Variants in GRIK3 observed in about 807,000 individuals in gnomAD.
The protein encoded by GRIK3 is glutamate receptor ionotropic, kainate 3.
GRIK3 carries 29 observed loss-of-function variants against 102.5 expected under a neutral mutation model. That is an observed-to-expected ratio of 0.28 (90% CI 0.21 to 0.39). The LOEUF is 0.39. Among genes scored for constraint, GRIK3 ranks in the 10% least tolerant of loss-of-function variants. The pLI, the probability that GRIK3 is intolerant of heterozygous loss-of-function variation, is 1.00. For missense variants in GRIK3, 908 were observed against 1,252.4 expected, an observed-to-expected ratio of 0.73 and a Z score of 4.15; for synonymous variants, 511 against 504.9, an observed-to-expected ratio of 1.01 and a Z score of -0.16.
At chr1:36,930,493 G>C (rs1641575543) in intron 1 of GRIK3, among the ~76,000 whole-genome samples, 1 of 152,178 alleles carries the variant, frequency 6.6e-6, no homozygotes, top group African/African-American at 2.4e-5. Flanking sequence ...AGAAAATGGA[G>C]GCCAATACAG....
At chr1:36,876,597 G>A (rs1435016252) in intron 3 of GRIK3, among the ~76,000 whole-genome samples, 1 of 152,132 alleles carries the variant, frequency 6.6e-6, no homozygotes, top group Non-Finnish European at 1.5e-5. Context: ...TGTGAGTTGG[G>A]CTGTCTGTTA....
At chr1:36,902,504 G>A (rs1641242466) in intron 1 of GRIK3, among the ~76,000 whole-genome samples, 1 of 152,092 alleles carries the variant, frequency 6.6e-6, no homozygotes, top group Non-Finnish European at 1.5e-5. Flanking sequence ...TCAACAAAAG[G>A]GCTAGAACAA....
chr1:36,902,473 G>A (rs1180502724), intron 1 of GRIK3, among the ~76,000 whole-genome samples: 5 of 152,090 alleles, frequency 3.3e-5, no homozygotes, highest in Admixed American at 1.3e-4. Context: ...AAGGCAATAC[G>A]GTGGAGAAAA....
chr1:36,891,679 T>C (rs1436925746), intron 1 of GRIK3, among the ~76,000 whole-genome samples: 2 of 152,116 alleles, frequency 1.3e-5, no homozygotes, highest in Non-Finnish European at 2.9e-5. Flanking sequence ...GCATTCTCAT[T>C]AAAGAAAAAT....
intron 2 of GRIK3, among the ~76,000 whole-genome samples, chr1:36,890,716 C>G (rs534714831): frequency 1.3e-5 from 2 of 152,186 alleles, no homozygotes; most frequent in Non-Finnish European, 2.9e-5. Flanking sequence ...AATTGAGGCA[C>G]AGGGTATTTT....
chr1:37,032,187 C>A (rs1380560173), intron 1 of GRIK3, among the ~76,000 whole-genome samples: 1 of 152,180 alleles, frequency 6.6e-6, no homozygotes, highest in African/African-American at 2.4e-5. Context: ...CTAACCCATT[C>A]AATTTCACAG....
chr1:36,853,541 G>A, intron 8 of GRIK3, 74 bp downstream of exon 8: 1 of 982,404 alleles, frequency 1.0e-6, no homozygotes, highest in Non-Finnish European at 1.6e-6. Flanking sequence ...CTGGGCCTCT[G>A]ACTGAGGTCT....
intron 1 of GRIK3, among the ~76,000 whole-genome samples, chr1:36,913,744 C>A (rs1044790234): frequency 2.0e-5 from 3 of 152,070 alleles, no homozygotes; most frequent in South Asian, 2.1e-4. Context: ...CTGGGAGGAG[C>A]TCTCCCAGGC....
intron 6 of GRIK3, 62 bp from the exon 7 acceptor site, chr1:36,859,313 C>T (rs2124238752): frequency 2.6e-6 from 4 of 1,519,508 alleles, no homozygotes; most frequent in South Asian, 1.2e-5. Context: ...GCCCACCCTG[C>T]CCTGTCCCCC....
chr1:37,021,143 AG>A (rs1642709131), intron 1 of GRIK3, among the ~76,000 whole-genome samples: 6 of 151,578 alleles, frequency 4.0e-5, no homozygotes, highest in African/African-American at 1.5e-4. Context: ...AGAGAGAGAG[AG>A]AGAGAGAGAA....
chr1:36,930,238 G>A (rs770736437), intron 1 of GRIK3, among the ~76,000 whole-genome samples: 1 of 152,170 alleles, frequency 6.6e-6, no homozygotes, highest in Non-Finnish European at 1.5e-5. Flanking sequence ...TTTGAGATTG[G>A]CCTTCTGGTT....
In GRIK3 at chr1:36,872,507, G is replaced by C; in HGVS notation, c.551-138C>G. The C allele has an allele frequency of 6.2e-6, 4 of 641,404 alleles. No individual in the cohort carries two copies. The South Asian group carries it at 8.6e-5, about 14-fold the overall frequency. The allele number at this position is 641,404 out of a possible 1,614,324, so 39.7% of individuals were successfully genotyped here. A position where few individuals can be genotyped will look rare whatever the true frequency, so the allele number is the denominator to read the frequency against. On this transcript the variant is annotated intron_variant, in intron 3 of 15. Transcript: ENST00000373091. The surrounding 1 kb of genome is among the most constrained non-coding windows in gnomAD (Gnocchi z 5.9). ...TACACGGGCAGAAACGTGGCCCACAGAGACTTGTGCACGTGCATGGACAAC... is the reference window on the plus strand; with the variant it reads ...TACACGGGCAGAAACGTGGCCCACACAGACTTGTGCACGTGCATGGACAAC...
intron 1 of GRIK3, among the ~76,000 whole-genome samples, chr1:36,992,468 A>G (rs1322291339): frequency 6.6e-6 from 1 of 152,212 alleles, no homozygotes; most frequent in Non-Finnish European, 1.5e-5. Flanking sequence ...TGGTGGTTGA[A>G]TGACAGAGGC....
chr1:36,827,115 T>C (rs1212677569), intron 10 of GRIK3, among the ~76,000 whole-genome samples: 1 of 152,220 alleles, frequency 6.6e-6, no homozygotes, highest in Non-Finnish European at 1.5e-5. Flanking sequence ...TAAACTTCCA[T>C]GAAGCCAGCT....
intron 1 of GRIK3, among the ~76,000 whole-genome samples, chr1:36,962,160 T>C (rs1372458355): frequency 6.6e-6 from 1 of 152,190 alleles, no homozygotes; most frequent in Admixed American, 6.5e-5. Flanking sequence ...GCATGGCTTC[T>C]GCCCCTGGCC....
intron 10 of GRIK3, among the ~76,000 whole-genome samples, chr1:36,831,482 C>T (rs1213596172): frequency 6.6e-6 from 1 of 152,228 alleles, no homozygotes; most frequent in Non-Finnish European, 1.5e-5. Flanking sequence ...AATTCACCTT[C>T]TGCTCTTTCC....
At chr1:36,961,222 C>T (rs967338454) in intron 1 of GRIK3, among the ~76,000 whole-genome samples, 5 of 152,240 alleles carry the variant, frequency 3.3e-5, no homozygotes, top group Admixed American at 3.3e-4. Flanking sequence ...GCCGCCTGCC[C>T]TCAAGCACCC....
chr1:36,923,462 G>A (rs909162442), intron 1 of GRIK3, among the ~76,000 whole-genome samples: 2 of 152,196 alleles, frequency 1.3e-5, no homozygotes, highest in Non-Finnish European at 2.9e-5. Context: ...ATTTGCTGGA[G>A]CCAAATTTTG....
chr1:36,975,712 G>A (rs903775550), intron 1 of GRIK3, among the ~76,000 whole-genome samples: 2 of 152,196 alleles, frequency 1.3e-5, no homozygotes, highest in Non-Finnish European at 2.9e-5. Context: ...TGCCCTGAAG[G>A]AGATGATATC....
Sources: gnomAD v4.1 joint callset for allele counts (sites outside exome capture counted in the v4.1 genomes callset) on GRCh38, gnomAD v4.1.1 for gene constraint, Gnocchi (gnomAD v3.1) non-coding constraint, MANE v1.5 for transcripts, NCBI Gene and HGNC (gene_info 2026-07-23, HGNC 2026-07-21) for gene names.